SDK1: variants seen among roughly 807,000 people sequenced by gnomAD.
SDK1 encodes sidekick cell adhesion molecule 1, also known as protein sidekick-1.
Under a neutral mutation model 245.5 loss-of-function variants are expected in SDK1, and 157 were observed. That is an observed-to-expected ratio of 0.64 (90% confidence interval 0.56 to 0.73). The LOEUF is 0.73. SDK1 is among the 30% of genes least tolerant of loss of function. SDK1 has a pLI of 0.00. For synonymous variants in SDK1, 1,647 were observed against 1,278.5 expected (o/e 1.29, Z -6.15); for missense variants, 3,583 against 3,002.3 (o/e 1.19, Z -4.52).
rs564215584 is a variant in SDK1, at chr7:3,570,457, C to T, written c.299-48623C>T. 1.7e-3 allele frequency among the ~76,000 whole-genome samples: 262 copies of T among 152,206 alleles called. 1 individual carries two copies. The highest frequency in any genetic ancestry group is 6.1e-3 in the African/African-American group (252 of 41,528). ...CAGCTGGTTCCTAACAGGCTATGGA[C>T]GGGTACCCGTCCACAGCCCGGAGTT... On this transcript the variant is annotated intron_variant, in intron 1 of 44. Coordinates refer to ENST00000404826, the MANE Select transcript of SDK1 (RefSeq NM_152744.4).
intron 4 of SDK1, among the ~76,000 whole-genome samples, chr7:3,731,401 A>T (rs1779174384): frequency 6.6e-6 from 1 of 152,186 alleles, no homozygotes; most frequent in Non-Finnish European, 1.5e-5. Context: ...GCACTGTCAC[A>T]ATGTGGAGCC....
At chr7:3,838,950 G>A (rs1392993103) in intron 5 of SDK1, among the ~76,000 whole-genome samples, 1 of 152,154 alleles carries the variant, frequency 6.6e-6, no homozygotes, top group African/African-American at 2.4e-5. Context: ...GGCCCTGAAG[G>A]CATTCGTTTG....
chr7:3,898,309 G>C (rs192830101), intron 5 of SDK1, among the ~76,000 whole-genome samples: 1 of 152,264 alleles, frequency 6.6e-6, no homozygotes, highest in East Asian at 1.9e-4. Context: ...AGATTTTCTA[G>C]GTTACAGAAC....
intron 28 of SDK1, among the ~76,000 whole-genome samples, chr7:4,137,234 G>A (rs1779153337): frequency 6.6e-6 from 1 of 152,246 alleles, no homozygotes; most frequent in Non-Finnish European, 1.5e-5. Context: ...GGCGGAGGTT[G>A]CAGTGAGCCA....
intron 1 of SDK1, among the ~76,000 whole-genome samples, chr7:3,383,665 A>G (rs1377097704): frequency 6.6e-6 from 1 of 152,212 alleles, no homozygotes; most frequent in Non-Finnish European, 1.5e-5. Context: ...AGGCATGGAC[A>G]ATTAATTACA....
At chr7:3,722,338 A>G (rs1209767853) in intron 4 of SDK1, among the ~76,000 whole-genome samples, 3 of 152,158 alleles carry the variant, frequency 2.0e-5, no homozygotes. Context: ...GGAGTTTAGG[A>G]AACAATCAGA....
chr7:4,208,054 A>G (rs1211794975), intron 36 of SDK1, 45 bp from the exon 37 acceptor site: 2 of 1,485,398 alleles, frequency 1.3e-6, no homozygotes, highest in Non-Finnish European at 1.8e-6. Context: ...CGCTTACTGG[A>G]AGGCTTCCCC....
rs111531561 is a variant in SDK1 at position 3,877,649 on chromosome 7, C to G, written c.847+56066C>G. 8.7e-3 allele frequency among the ~76,000 whole-genome samples: 1,319 copies of G among 152,288 alleles called. 24 individuals are homozygous for G. The highest frequency in any genetic ancestry group is 0.03 in the African/African-American group (1,239 of 41,562). The stretch of plus-strand genomic sequence containing the variant: ...AAAAAGAAACAAAATCATCTGTAAT[C>G]CTATCACACAGAGTTAACCACTGTT... On this transcript the variant is annotated intron_variant, in intron 5 of 44. Transcript: ENST00000404826.
At chr7:4,013,420 A>G (rs545420722) in intron 16 of SDK1, among the ~76,000 whole-genome samples, 10 of 152,366 alleles carry the variant, frequency 6.6e-5, no homozygotes, top group African/African-American at 2.4e-4. Flanking sequence ...TGGGACAAGA[A>G]CAGTGGGTAT....
intron 5 of SDK1, among the ~76,000 whole-genome samples, chr7:3,901,886 A>G (rs1239200909): frequency 1.3e-5 from 2 of 152,156 alleles, no homozygotes; most frequent in Non-Finnish European, 1.5e-5. Context: ...ATGTTATAAT[A>G]TCCCGTTACT....
intron 5 of SDK1, among the ~76,000 whole-genome samples, chr7:3,913,315 A>G (rs1240894418): frequency 8.0e-6 from 1 of 125,522 alleles, no homozygotes; most frequent in Middle Eastern, 4.6e-3. Flanking sequence ...TTTTTTTGAG[A>G]TGGAGTCTCG....
chr7:4,154,974 G>C (rs934925732), intron 30 of SDK1, among the ~76,000 whole-genome samples: 18 of 152,176 alleles, frequency 1.2e-4, no homozygotes, highest in East Asian at 1.9e-4. Context: ...TGGGGGGCTT[G>C]AGGATCAAAC....
intron 1 of SDK1, among the ~76,000 whole-genome samples, chr7:3,350,844 A>G (rs1232326294): frequency 6.6e-6 from 1 of 152,188 alleles, no homozygotes; most frequent in East Asian, 1.9e-4. Flanking sequence ...CTGTTAAAAT[A>G]GTTTTTTCCC....
At chr7:3,321,215 C>T (rs187705369) in intron 1 of SDK1, among the ~76,000 whole-genome samples, 3 of 152,300 alleles carry the variant, frequency 2.0e-5, no homozygotes, top group Non-Finnish European at 4.4e-5. Flanking sequence ...TATAGAATTT[C>T]TTTTGACAGA....
chr7:3,438,391 A>G (rs1780092155), intron 1 of SDK1, among the ~76,000 whole-genome samples: 1 of 152,212 alleles, frequency 6.6e-6, no homozygotes, highest in African/African-American at 2.4e-5. Context: ...CTTCTTTACA[A>G]TGATGTATTC....
chr7:3,361,744 T>C (rs1447570059), intron 1 of SDK1, among the ~76,000 whole-genome samples: 3 of 152,164 alleles, frequency 2.0e-5, no homozygotes, highest in Non-Finnish European at 4.4e-5. Flanking sequence ...GGTTTATTAG[T>C]GGGGAGAAAT....
chr7:3,463,164 G>A (rs1410531188), intron 1 of SDK1, among the ~76,000 whole-genome samples: 4 of 152,206 alleles, frequency 2.6e-5, no homozygotes, highest in African/African-American at 4.8e-5. Flanking sequence ...TGGAGATGGG[G>A]TCGAGATTTG....
At chr7:3,424,084 G>A (rs1779607874) in intron 1 of SDK1, among the ~76,000 whole-genome samples, 1 of 152,084 alleles carries the variant, frequency 6.6e-6, no homozygotes. Flanking sequence ...GCTAATTTTT[G>A]TATTTTTAGT....
At chr7:4,254,980 G>T (rs1043951072) in intron 44 of SDK1, among the ~76,000 whole-genome samples, 1 of 152,188 alleles carries the variant, frequency 6.6e-6, no homozygotes, top group Non-Finnish European at 1.5e-5. Context: ...CCTCCACTAC[G>T]TGCTAGCTCT....
Sources: allele counts gnomAD v4.1 joint callset (sites outside exome capture counted in the v4.1 genomes callset), GRCh38; gene constraint gnomAD v4.1.1; transcripts MANE v1.5; gene names NCBI Gene and HGNC (gene_info 2026-07-23, HGNC 2026-07-21).